JADE2: variants seen among roughly 807,000 people sequenced by gnomAD.
JADE2 encodes jade family PHD finger 2, also known as E3 ubiquitin-protein ligase Jade-2.
A neutral mutation model predicts 85.7 loss-of-function variants in JADE2; 13 were observed. That is an observed-to-expected ratio of 0.15 (90% CI 0.10 to 0.24). JADE2 has a LOEUF of 0.24. Ranked by LOEUF, JADE2 falls within the 10% of genes least tolerant of loss-of-function variation. The pLI, the probability that JADE2 is intolerant of heterozygous loss-of-function variation, is 1.00. For synonymous variants in JADE2, 440 were observed against 456.1 expected (o/e 0.96, Z 0.45); for missense variants, 846 against 1,115.9 (o/e 0.76, Z 3.45).
chr5:134,530,528 G>A (rs1393548099), intron 1 of JADE2, among the ~76,000 whole-genome samples: 2 of 152,214 alleles, frequency 1.3e-5, no homozygotes, highest in Non-Finnish European at 2.9e-5. Flanking sequence ...GGCCTGAAAG[G>A]CCCACTGTTC....
At chr5:134,544,049 T>G (rs1474007044) in intron 3 of JADE2, among the ~76,000 whole-genome samples, 1 of 152,218 alleles carries the variant, frequency 6.6e-6, no homozygotes. Flanking sequence ...GGTAGTGTCC[T>G]CCTCTGGCCT....
chr5:134,569,412 G>C (rs1763853211), intron 9 of JADE2, among the ~76,000 whole-genome samples: 1 of 152,254 alleles, frequency 6.6e-6, no homozygotes, highest in African/African-American at 2.4e-5. Flanking sequence ...TCAACCAGAT[G>C]TGCTTTCCTA....
Position 134,562,110 on chromosome 5 carries a change from G to A in JADE2, c.685-90G>A. The A allele has an allele frequency of 7.8e-7, 1 of 1,286,770 alleles. No homozygotes were observed. Among genetic ancestry groups the A allele is most frequent in the African/African-American group, 1.5e-5 (1 of 68,154 alleles). 79.7% of individuals were successfully genotyped at this position (1,286,770 alleles called of 1,614,324 possible). ...GGGAGGCTGTGTAGCAGTGTAGCATGGGGCTGGCACTGGACCAAATGCAGC... is the reference window on the plus strand; with the variant it reads ...GGGAGGCTGTGTAGCAGTGTAGCATAGGGCTGGCACTGGACCAAATGCAGC... On this transcript the variant is annotated intron_variant, in intron 6 of 11. Coordinates refer to ENST00000681547, the MANE Select transcript of JADE2 (RefSeq NM_001388185.1). The surrounding 1 kb of genome is among the most constrained non-coding windows in gnomAD (Gnocchi z 4.6).
rs983452220 is a variant in JADE2 at position 134,580,391 on chromosome 5, C to T, written c.*1074C>T. On this transcript the variant is annotated 3_prime_UTR_variant, in exon 12 of 12. Coordinates refer to ENST00000681547, the MANE Select transcript of JADE2 (RefSeq NM_001388185.1). Reference sequence around the variant, plus strand: ...CTGTTGTAAGTCTTGCTGGATGTTCCCCTGTTCCTGAGCCTTAACCCCTCG... The same window carrying T: ...CTGTTGTAAGTCTTGCTGGATGTTCTCCTGTTCCTGAGCCTTAACCCCTCG... The T allele has an allele frequency of 6.6e-6, 1 of 151,732 alleles. No individual in the cohort carries two copies. The highest frequency in any genetic ancestry group is 1.5e-5 in the Non-Finnish European group (1 of 67,906). 9.4% of individuals were successfully genotyped at this position (151,732 alleles called of 1,614,324 possible).
chr5:134,568,826 G>A (rs1456713439), intron 9 of JADE2, among the ~76,000 whole-genome samples: 1 of 152,224 alleles, frequency 6.6e-6, no homozygotes, highest in African/African-American at 2.4e-5. Context: ...CTGCCACGGG[G>A]CAGGCTTTCT....
In JADE2 at chr5:134,551,615, C is replaced by T. The variant is rs539627534; in HGVS notation, c.154-437C>T. ...GCTGTCTTGAACTCCTGGCCTCAAG[C>T]AGTTATCCCACCTCAGCCTCCCAAA... On this transcript the variant is annotated intron_variant, in intron 3 of 11. Coordinates refer to ENST00000681547, the MANE Select transcript of JADE2 (RefSeq NM_001388185.1). Among the ~76,000 whole-genome samples the T allele has an allele frequency of 6.6e-4, 100 of 151,836 alleles. 4 individuals are homozygous for T. The highest frequency in any genetic ancestry group is 6.6e-3 in the Admixed American group (100 of 15,244).
intron 9 of JADE2, among the ~76,000 whole-genome samples, chr5:134,572,098 G>T (rs190033307): frequency 1.8e-3 from 281 of 152,380 alleles, no homozygotes; most frequent in African/African-American, 6.2e-3. Flanking sequence ...TTAAGGGTGT[G>T]GGGGAAGGAG....
At chr5:134,570,474 C>T (rs1267240853) in intron 9 of JADE2, among the ~76,000 whole-genome samples, 1 of 152,154 alleles carries the variant, frequency 6.6e-6, no homozygotes, top group Non-Finnish European at 1.5e-5. Flanking sequence ...TCCCTATTTC[C>T]CTCTAGTCGT....
In JADE2 at chr5:134,562,107, C is replaced by T; in HGVS notation, c.685-93C>T. 3.2e-6 allele frequency: 4 copies of T among 1,252,076 alleles called. No homozygotes were observed. Among genetic ancestry groups the T allele is most frequent in the East Asian group, 2.3e-5 (1 of 42,596 alleles). The allele number at this position is 1,252,076 out of a possible 1,614,324, so 77.6% of individuals were successfully genotyped here. ...GATGGGAGGCTGTGTAGCAGTGTAG[C>T]ATGGGGCTGGCACTGGACCAAATGC... On this transcript the variant is annotated intron_variant, in intron 6 of 11. Transcript: ENST00000681547. This position sits in a 1 kb window ranked among gnomAD's most constrained non-coding sequence, Gnocchi z 4.6.
chr5:134,582,366 G>A lies in JADE2; in HGVS notation c.*3049G>A, dbSNP rs1458347689. On this transcript the variant is annotated 3_prime_UTR_variant, in exon 12 of 12. Transcript: ENST00000681547. ...AGACATAGATGTTGAATTGTTTGTG[G>A]GGGGTGTGCCAGGCCACGTCTCGTG... 1 of 152,176 alleles carries A rather than the reference G, an allele frequency of 6.6e-6. No individual in the cohort carries two copies. Among genetic ancestry groups the A allele is most frequent in the Non-Finnish European group, 1.5e-5 (1 of 68,042 alleles). 9.4% of individuals were successfully genotyped at this position (152,176 alleles called of 1,614,324 possible). A position where few individuals can be genotyped will look rare whatever the true frequency, so the allele number is the denominator to read the frequency against.
At chr5:134,561,423 G>C (rs1402548556) in intron 6 of JADE2, among the ~76,000 whole-genome samples, 2 of 152,218 alleles carry the variant, frequency 1.3e-5, no homozygotes, top group Non-Finnish European at 2.9e-5. Flanking sequence ...GGATTAAATT[G>C]TTTACTGTGG....
chr5:134,551,894 T>C (rs1762613273), intron 3 of JADE2, among the ~76,000 whole-genome samples, 158 bp from the exon 4 acceptor site: 1 of 152,216 alleles, frequency 6.6e-6, no homozygotes, highest in Non-Finnish European at 1.5e-5. Context: ...TTCAGAGCTA[T>C]GTTATTTATT....
Position 134,560,812 on chromosome 5 carries a change from A to G in JADE2, c.539A>G (p.Gln180Arg). 6.2e-7 allele frequency: 1 copy of G among 1,614,214 alleles called. No individual in the cohort carries two copies. The highest frequency in any genetic ancestry group is 1.1e-5 in the South Asian group (1 of 91,082). ...VLEELETLCH[Q>R]NMARAIETQE... ...GAGGAGCTGGAGACCCTGTGCCACC[A>G]GAATATGGCCAGGGCCATTGAGACG... Residue 180 changes from glutamine (Q) to arginine (R), a missense_variant, in exon 6 of 12, where the codon CAG becomes CGG. By Grantham distance (43) the Gln-to-Arg change is conservative. Around this residue, in one of 9 missense-constraint regions of JADE2, gnomAD observed 129 missense variants for 255.4 expected, o/e 0.51. Coordinates refer to ENST00000681547, the MANE Select transcript of JADE2 (RefSeq NM_001388185.1).
In JADE2 at chr5:134,578,683, T is replaced by C. The variant is rs1764534456; in HGVS notation, c.1871T>C (p.Met624Thr). Residue 624 changes from methionine (M) to threonine (T), a missense_variant, in exon 12 of 12, where the codon ATG (methionine) becomes ACG (threonine). By Grantham distance (81) the Met-to-Thr change is moderately conservative (BLOSUM62 -1). Transcript: ENST00000681547. The surrounding 1 kb of genome is among the most constrained non-coding windows in gnomAD (Gnocchi z 4.4). The part of the protein sequence containing the change: ...LQDEETLLSF[M>T]RDPSLRPGDP... ...GACGAGGAGACACTGCTCAGCTTCA[T>C]GCGGGACCCCTCGCTGCGACCTGGT... 6.2e-7 allele frequency: 1 copy of C among 1,613,802 alleles called. No individual in the cohort carries two copies.
chr5:134,560,615 C>G, intron 5 of JADE2, 131 bp from the exon 6 acceptor site: 1 of 729,076 alleles, frequency 1.4e-6, no homozygotes, highest in Non-Finnish European at 2.3e-6. Flanking sequence ...CTCCCAGGTC[C>G]AACAGTGGGT....
Position 134,582,435 on chromosome 5 carries a change from C to CTG in JADE2, c.*3119_*3120dup, listed in dbSNP as rs10630570. The CTG allele has an allele frequency of 1, 152,126 of 152,358 alleles. 75,948 individuals are homozygous for CTG. Among genetic ancestry groups the CTG allele is most frequent in the Non-Finnish European group, 1 (68,042 of 68,042 alleles). 9.4% of individuals were successfully genotyped at this position (152,358 alleles called of 1,614,324 possible). Reference sequence around the variant, plus strand: ...CCTGTGTATACTGTGTATGGGCACACTGGGACTAGCTGGGACAATTCCTAG... The same window carrying CTG: ...CCTGTGTATACTGTGTATGGGCACACTGTGGGACTAGCTGGGACAATTCCTAG... On this transcript the variant is annotated 3_prime_UTR_variant, in exon 12 of 12. Coordinates refer to ENST00000681547, the MANE Select transcript of JADE2 (RefSeq NM_001388185.1).
chr5:134,526,175 G>C (rs1020889483), intron 1 of JADE2, 164 bp downstream of exon 1: 86 of 985,568 alleles, frequency 8.7e-5, no homozygotes, highest in Admixed American at 2.5e-4. Flanking sequence ...CGCGGAGAGG[G>C]GGGGGATGCA....
At chr5:134,555,359 C>A (rs1363694847) in intron 4 of JADE2, among the ~76,000 whole-genome samples, 1 of 152,222 alleles carries the variant, frequency 6.6e-6, no homozygotes, top group African/African-American at 2.4e-5. Context: ...TCCCATAGAT[C>A]CCAGCCAGCT....
chr5:134,571,081 G>A (rs551178631), intron 9 of JADE2, among the ~76,000 whole-genome samples: 13 of 152,290 alleles, frequency 8.5e-5, no homozygotes, highest in African/African-American at 2.2e-4. Flanking sequence ...GAGTCTCTCC[G>A]TGCCTCCCAG....
Sources: allele counts gnomAD v4.1 joint callset (sites outside exome capture counted in the v4.1 genomes callset), GRCh38; gene constraint gnomAD v4.1.1; regional missense constraint gnomAD v4.1.1; non-coding constraint Gnocchi (gnomAD v3.1); transcripts MANE v1.5; gene names NCBI Gene and HGNC (gene_info 2026-07-23, HGNC 2026-07-21).